The following PTPRN2 variants were observed in gnomAD, a reference collection of about 807,000 sequenced individuals.
The protein encoded by PTPRN2 is protein tyrosine phosphatase receptor type N2.
PTPRN2 carries 74 observed loss-of-function variants against 118.8 expected under a neutral mutation model. The ratio of observed to expected loss-of-function variants is 0.62; its 90% CI spans 0.52 to 0.76. The LOEUF is 0.76. Among genes scored for constraint, PTPRN2 ranks in the 30% least tolerant of loss-of-function variants. PTPRN2 has a pLI of 0.00. For missense variants in PTPRN2, 1,481 were observed against 1,394.4 expected (o/e 1.06, Z -0.99); for synonymous variants, 641 against 608.0 (o/e 1.05, Z -0.80).
At chr7:158,210,577 G>C (rs1467329310) in intron 3 of PTPRN2, among the ~76,000 whole-genome samples, 3 of 151,778 alleles carry the variant, frequency 2.0e-5, no homozygotes, top group Non-Finnish European at 4.4e-5. Flanking sequence ...CCATTTTCTA[G>C]TCTAAGAAAA....
intron 1 of PTPRN2, among the ~76,000 whole-genome samples, chr7:158,503,185 G>C (rs998600508): frequency 6.6e-6 from 1 of 152,090 alleles, no homozygotes; most frequent in South Asian, 2.1e-4. Flanking sequence ...ATCAACTACT[G>C]TGTCCATCAG....
chr7:157,772,022 GCA>G, intron 12 of PTPRN2, among the ~76,000 whole-genome samples: 1 of 116,686 alleles, frequency 8.6e-6, no homozygotes, highest in South Asian at 2.8e-4. Flanking sequence ...ACAGACACAC[GCA>G]CACACAGATG....
rs1796390539 is a variant in PTPRN2 at position 157,671,146 on chromosome 7, A to C, written c.2001+11579T>G. Among the ~76,000 whole-genome samples the C allele has an allele frequency of 7.0e-6, 1 of 143,340 alleles. No homozygotes were observed. 94.0% of individuals were successfully genotyped at this position (143,340 alleles called of 152,430 possible). ...CCCACAGACCTGCTCTTACCACATC[A>C]AGATCTTAGTTCAATGTATCGATTC... On this transcript the variant is annotated intron_variant, in intron 13 of 22. Coordinates refer to ENST00000389418, the MANE Select transcript of PTPRN2 (RefSeq NM_002847.5). This position sits in a 1 kb window ranked among gnomAD's most constrained non-coding sequence, Gnocchi z 4.1.
At position 157,990,701 on chromosome 7, in the gene PTPRN2, C is replaced by T. The variant is rs1203957669; in HGVS notation, c.1723+90597G>A. On this transcript the variant is annotated intron_variant, in intron 11 of 22. Transcript: ENST00000389418. The surrounding 1 kb of genome is among the most constrained non-coding windows in gnomAD (Gnocchi z 4.3). ...GAAACAGCCTCTCATGTTGCTGGGCCGGTGCTCAGGAGCTGGGGCTGCCTG... is the reference window on the plus strand; with the variant it reads ...GAAACAGCCTCTCATGTTGCTGGGCTGGTGCTCAGGAGCTGGGGCTGCCTG... Among the ~76,000 whole-genome samples, 2 of 152,148 alleles carry T rather than the reference C, an allele frequency of 1.3e-5. No homozygotes were observed. Among genetic ancestry groups the T allele is most frequent in the African/African-American group, 2.4e-5 (1 of 41,430 alleles).
intron 1 of PTPRN2, among the ~76,000 whole-genome samples, chr7:158,581,658 G>A (rs950632459): frequency 1.3e-5 from 2 of 152,156 alleles, no homozygotes; most frequent in African/African-American, 4.8e-5. Context: ...GCACTACCCA[G>A]GGAATGCCCT....
chr7:158,125,321 TCCCTGCCTCAAGTCCCTCCCACAGCCGCC>T (rs1393770524), intron 9 of PTPRN2, among the ~76,000 whole-genome samples: 23 of 98,654 alleles, frequency 2.3e-4, no homozygotes, highest in African/African-American at 7.9e-4. Flanking sequence ...CAGGGCCACC[TCCCTGCCTCAAGTCCCTCCCACAGCCGCC>T]CCCTGCCTCG....
chr7:157,927,083 G>A lies in PTPRN2; in HGVS notation c.1724-28346C>T, dbSNP rs1277627077. On this transcript the variant is annotated intron_variant, in intron 11 of 22. Transcript: ENST00000389418. ...GAGGCCTCGCATCTTCTGGGACCCCGAAGACAGGAAGCCCCAGGGACCCGT... is the reference window on the plus strand; with the variant it reads ...GAGGCCTCGCATCTTCTGGGACCCCAAAGACAGGAAGCCCCAGGGACCCGT... Among the ~76,000 whole-genome samples, 160 of 97,006 alleles carry A rather than the reference G, an allele frequency of 1.6e-3. 6 individuals carry two copies. Among genetic ancestry groups the A allele is most frequent in the Admixed American group, 2.1e-3 (21 of 9,866 alleles). 63.6% of individuals were successfully genotyped at this position (97,006 alleles called of 152,430 possible).
At chr7:158,096,674 ACAG>A (rs1043156483) in intron 10 of PTPRN2, among the ~76,000 whole-genome samples, 2 of 152,232 alleles carry the variant, frequency 1.3e-5, no homozygotes, top group Admixed American at 1.3e-4. Context: ...TAATATTCAG[ACAG>A]GGCACTGAAG....
In PTPRN2 at chr7:157,726,132, A is replaced by G. The variant is rs13309294; in HGVS notation, c.1789-43195T>C. On this transcript the variant is annotated intron_variant, in intron 12 of 22. Coordinates refer to ENST00000389418, the MANE Select transcript of PTPRN2 (RefSeq NM_002847.5). Reference sequence around the variant, plus strand: ...AAACTGGATATCCACATGCAGAGGAATGAGCCAGACTCTCGCCTCCCAGGA... The same window carrying G: ...AAACTGGATATCCACATGCAGAGGAGTGAGCCAGACTCTCGCCTCCCAGGA... Among the ~76,000 whole-genome samples, 18 of 44,620 alleles carry G rather than the reference A, an allele frequency of 4.0e-4. 3 individuals are homozygous for G. The highest frequency in any genetic ancestry group is 6.3e-4 in the African/African-American group (6 of 9,556). The allele number at this position is 44,620 out of a possible 152,430, so 29.3% of individuals were successfully genotyped here. A position where few individuals can be genotyped will look rare whatever the true frequency, so the allele number is the denominator to read the frequency against.
chr7:158,325,609 G>C (rs1423460575), intron 2 of PTPRN2, among the ~76,000 whole-genome samples: 1 of 152,220 alleles, frequency 6.6e-6, no homozygotes, highest in East Asian at 1.9e-4. Flanking sequence ...CAAAGTTCTT[G>C]AATTGTGAGC....
At chr7:158,540,700 C>G (rs969012881) in intron 1 of PTPRN2, among the ~76,000 whole-genome samples, 40 of 152,358 alleles carry the variant, frequency 2.6e-4, no homozygotes, top group Admixed American at 2.4e-3. Context: ...CCGTGTGTGT[C>G]TGCATGGAGG....
intron 12 of PTPRN2, among the ~76,000 whole-genome samples, chr7:157,730,824 C>A (rs1799853827): frequency 6.6e-6 from 1 of 152,152 alleles, no homozygotes; most frequent in African/African-American, 2.4e-5. Flanking sequence ...GACATGCAAG[C>A]CACAGGGGAG....
At chr7:158,409,412 T>C (rs1813850825) in intron 2 of PTPRN2, among the ~76,000 whole-genome samples, 2 of 152,158 alleles carry the variant, frequency 1.3e-5, no homozygotes, top group African/African-American at 4.8e-5. Context: ...ACCCAGGACC[T>C]ACCCAGGCAT....
At chr7:158,194,564 C>A (rs1271155544) in intron 4 of PTPRN2, among the ~76,000 whole-genome samples, 2 of 152,230 alleles carry the variant, frequency 1.3e-5, no homozygotes, top group Non-Finnish European at 2.9e-5. Context: ...CGGCGTCATG[C>A]CCCACTGCCA....
At chr7:157,571,595 ATT>A in intron 19 of PTPRN2, 102 bp from the exon 20 acceptor site, 2 of 799,178 alleles carry the variant, frequency 2.5e-6, no homozygotes, top group South Asian at 3.6e-5. Flanking sequence ...GTTTGAAATC[ATT>A]TTGCAATCGC....
intron 2 of PTPRN2, among the ~76,000 whole-genome samples, chr7:158,387,500 G>A (rs985099348): frequency 8.5e-5 from 13 of 152,298 alleles, no homozygotes; most frequent in Non-Finnish European, 1.2e-4. Flanking sequence ...GAGTGCGATC[G>A]GGTTACGATG....
At chr7:158,383,129 G>T (rs1010442505) in intron 2 of PTPRN2, among the ~76,000 whole-genome samples, 1 of 152,098 alleles carries the variant, frequency 6.6e-6, no homozygotes, top group Admixed American at 6.6e-5. Flanking sequence ...CACATGAGGG[G>T]CCCTGAAGAC....
intron 1 of PTPRN2, among the ~76,000 whole-genome samples, chr7:158,521,158 T>A (rs1186705919): frequency 6.6e-6 from 1 of 152,222 alleles, no homozygotes; most frequent in East Asian, 1.9e-4. Context: ...TTTGTATTAT[T>A]TTTATTGTTG....
rs773557456 is a variant in PTPRN2, at chr7:158,489,805, A to G, written c.113-20T>C. 6.4e-7 allele frequency: 1 copy of G among 1,561,656 alleles called. No individual in the cohort carries two copies. The highest frequency in any genetic ancestry group is 2.4e-5 in the East Asian group (1 of 42,064). On this transcript the variant is annotated intron_variant, in intron 1 of 22. Transcript: ENST00000389418. ...GGCAGCCTGCGGGGAAACAGAGAAG[A>G]GACGCGGTCAGCTGGAGGGGAGGAG... is the stretch of plus-strand genomic sequence containing the variant.
Sources: gnomAD v4.1 joint callset for allele counts (sites outside exome capture counted in the v4.1 genomes callset) on GRCh38, gnomAD v4.1.1 for gene constraint, Gnocchi (gnomAD v3.1) non-coding constraint, MANE v1.5 for transcripts, NCBI Gene and HGNC (gene_info 2026-07-23, HGNC 2026-07-21) for gene names.